ZNF667: variants seen among roughly 807,000 people sequenced by gnomAD.
The protein encoded by ZNF667 is myocardial ischemic preconditioning upregulated 1 ortholog.
In ZNF667, 13 loss-of-function variants were observed where a neutral mutation model predicts 31.8. That is an observed-to-expected ratio of 0.41 (90% CI 0.27 to 0.65). ZNF667 has a LOEUF of 0.65. ZNF667 is among the 30% of genes least tolerant of loss of function. The probability of loss-of-function intolerance (pLI) is 0.32; values close to 1 mark genes in which losing one functional copy is unlikely to be tolerated. For synonymous variants in ZNF667, 228 were observed against 247.1 expected (o/e 0.92, Z 0.73); for missense variants, 642 against 725.6 (o/e 0.88, Z 1.32).
At chr19:56,458,881 T>C (rs1310920719) in intron 5 of ZNF667, among the ~76,000 whole-genome samples, 3 of 152,210 alleles carry the variant, frequency 2.0e-5, no homozygotes, top group Non-Finnish European at 4.4e-5. Context: ...CCCTGAGTTC[T>C]GAAAGCTACT....
chr19:56,441,815 C>T lies in ZNF667; in HGVS notation c.1180G>A (p.Val394Ile), dbSNP rs778022679. 9.9e-6 allele frequency: 16 copies of T among 1,613,898 alleles called. No homozygotes were observed. The highest frequency in any genetic ancestry group is 1.4e-5 in the Non-Finnish European group (16 of 1,180,008). Residue 394 changes from valine (V) to isoleucine (I), a missense_variant, in exon 7 of 7, where the codon GTC becomes ATC. Transcript: ENST00000504904. This position sits in a 1 kb window ranked among gnomAD's most constrained non-coding sequence, Gnocchi z 4.2. Reference sequence around the variant, plus strand: ...ATAAGGGATGAATGCCGATTGCAGACCTTCTCACATTTATTGCATCTGTAT... The same window carrying T: ...ATAAGGGATGAATGCCGATTGCAGATCTTCTCACATTTATTGCATCTGTAT... ...KLYRCNKCEKVCNRHSSLIQH... is the reference protein window; with the variant it reads ...KLYRCNKCEKICNRHSSLIQH...
chr19:56,474,744 T>G (rs978307076), intron 1 of ZNF667: 9 of 152,270 alleles, frequency 5.9e-5, no homozygotes, highest in East Asian at 5.8e-4. Flanking sequence ...TTGGGAGCTT[T>G]CTAATAAATA....
At chr19:56,465,349 G>A (rs2043136774) in intron 3 of ZNF667, among the ~76,000 whole-genome samples, 1 of 152,248 alleles carries the variant, frequency 6.6e-6, no homozygotes, top group African/African-American at 2.4e-5. Context: ...TAATGGATAT[G>A]TTTTGATACA....
chr19:56,455,631 G>T (rs763285009), intron 6 of ZNF667, among the ~76,000 whole-genome samples: 61 of 152,156 alleles, frequency 4.0e-4, no homozygotes, highest in Admixed American at 4.6e-4. Flanking sequence ...GGGAAGGGTA[G>T]CAGAAAAAAG....
intron 3 of ZNF667, among the ~76,000 whole-genome samples, chr19:56,464,605 C>A (rs950246000): frequency 3.3e-5 from 5 of 152,226 alleles, no homozygotes; most frequent in African/African-American, 1.2e-4. Context: ...CATTATGTTT[C>A]TGTGGGGCAG....
rs926709321 is a variant in ZNF667, at chr19:56,455,333, CA to C, written c.253+2821del. ...TCCTACTGCTTGGTATATACCCCCC[CA>C]AAAAAATAAATTAGTATATAAAAAA... On this transcript the variant is annotated intron_variant, in intron 6 of 6. Transcript: ENST00000504904. Among the ~76,000 whole-genome samples, 21 of 151,946 alleles carry C rather than the reference CA, an allele frequency of 1.4e-4. No homozygotes were observed. The Middle Eastern group carries it at 0.014, about 98-fold the overall frequency.
intron 3 of ZNF667, among the ~76,000 whole-genome samples, chr19:56,465,697 T>A (rs1568451750): frequency 6.6e-6 from 1 of 152,164 alleles, no homozygotes; most frequent in Non-Finnish European, 1.5e-5. Context: ...GCCTGGCTCT[T>A]AACCCTACTG....
rs368846297 is a variant in ZNF667, at chr19:56,458,650, T to C, written c.161-403A>G. 3.9e-5 allele frequency among the ~76,000 whole-genome samples: 6 copies of C among 152,212 alleles called. No individual in the cohort carries two copies. The East Asian group carries it at 9.7e-4, about 25-fold the overall frequency. On this transcript the variant is annotated intron_variant, in intron 5 of 6. Transcript: ENST00000504904. ...TGAGCCAATCACTAATGGCCAATGA[T>C]TTAATCAACCTTGCCTACCTGAAGC...
chr19:56,470,785 T>C (rs1252471032), intron 3 of ZNF667, among the ~76,000 whole-genome samples: 1 of 152,206 alleles, frequency 6.6e-6, no homozygotes, highest in Non-Finnish European at 1.5e-5. Flanking sequence ...TTCTGACTTT[T>C]CTGAGCGAGG....
At position 56,460,813 on chromosome 19, in the gene ZNF667, T is replaced by G. The variant is rs1268478793; in HGVS notation, c.36A>C (p.Ala12=). Residue 12 remains alanine (A), a splice_region_variant and synonymous_variant, in exon 5 of 7, where the codon GCA becomes GCC. Coordinates refer to ENST00000504904, the MANE Select transcript of ZNF667 (RefSeq NM_001321356.2). ...TGGCTAAGTCCCCAAATGTTATAGG[T>G]GCCTGAAATGAAAAATCAAATGTCT... ...PSARGKSKSK[A]PITFGDLAIY... 2 of 1,586,982 alleles carry G rather than the reference T, an allele frequency of 1.3e-6. No individual in the cohort carries two copies. Among genetic ancestry groups the G allele is most frequent in the Non-Finnish European group, 1.7e-6 (2 of 1,168,438 alleles).
intron 1 of ZNF667, 189 bp from the exon 2 acceptor site, chr19:56,474,313 T>G (rs1345565366): frequency 6.6e-6 from 1 of 152,308 alleles, no homozygotes; most frequent in African/African-American, 2.4e-5. Context: ...CACAGCCTCA[T>G]TGCCTCCTTT....
Position 56,440,855 on chromosome 19 carries a change from C to A in ZNF667, c.*307G>T. 1 of 1,042,540 alleles carries A rather than the reference C, an allele frequency of 9.6e-7. No homozygotes were observed. Among genetic ancestry groups the A allele is most frequent in the Non-Finnish European group, 1.2e-6 (1 of 843,420 alleles). The allele number at this position is 1,042,540 out of a possible 1,614,324, so 64.6% of individuals were successfully genotyped here. A position where few individuals can be genotyped will look rare whatever the true frequency, so the allele number is the denominator to read the frequency against. On this transcript the variant is annotated 3_prime_UTR_variant, in exon 7 of 7. Coordinates refer to ENST00000504904, the MANE Select transcript of ZNF667 (RefSeq NM_001321356.2). Reference sequence around the variant, plus strand: ...TTTCACCGTGGTCTCAAACTCTTGACCTCGTGATCCGCCTGTCTCAGCCTC... The same window carrying A: ...TTTCACCGTGGTCTCAAACTCTTGAACTCGTGATCCGCCTGTCTCAGCCTC...
intron 6 of ZNF667, 84 bp from the exon 7 acceptor site, chr19:56,442,825 A>T (rs2042644326): frequency 7.0e-7 from 1 of 1,426,342 alleles, no homozygotes; most frequent in Admixed American, 2.6e-5. Context: ...AATTATCATT[A>T]TTAATCACAA....
Position 56,460,919 on chromosome 19 carries a change from A to G in ZNF667, c.34-104T>C, listed in dbSNP as rs369923359. ...AACATGGGAGACACAAGGTACCAAGAATCATTCAGGAAGCATTCAGGGTTC... is the reference window on the plus strand; with the variant it reads ...AACATGGGAGACACAAGGTACCAAGGATCATTCAGGAAGCATTCAGGGTTC... On this transcript the variant is annotated intron_variant, in intron 4 of 6. Transcript: ENST00000504904. 6.8e-5 allele frequency: 84 copies of G among 1,241,742 alleles called. No homozygotes were observed. The African/African-American group carries it at 1.2e-3, about 18-fold the overall frequency. 76.9% of individuals were successfully genotyped at this position (1,241,742 alleles called of 1,614,324 possible). A position where few individuals can be genotyped will look rare whatever the true frequency, so the allele number is the denominator to read the frequency against.
chr19:56,440,988 T>A lies in ZNF667; in HGVS notation c.*174A>T. 1 of 1,415,402 alleles carries A rather than the reference T, an allele frequency of 7.1e-7. No homozygotes were observed. The highest frequency in any genetic ancestry group is 9.2e-7 in the Non-Finnish European group (1 of 1,088,652). 87.7% of individuals were successfully genotyped at this position (1,415,402 alleles called of 1,614,324 possible). ...GACTGACCAAACTTCTGAGTTTCCT[T>A]CAGTTAATTTCAAATCCTGAGGTCA... On this transcript the variant is annotated 3_prime_UTR_variant, in exon 7 of 7. Transcript: ENST00000504904.
intron 3 of ZNF667, among the ~76,000 whole-genome samples, chr19:56,467,456 C>T (rs888933485): frequency 3.9e-5 from 6 of 152,136 alleles, no homozygotes; most frequent in African/African-American, 1.4e-4. Flanking sequence ...AGGAGTTTTC[C>T]ACACACCAAG....
rs2042581110 is a variant in ZNF667 at position 56,440,579 on chromosome 19, A to G, written c.*583T>C. On this transcript the variant is annotated 3_prime_UTR_variant, in exon 7 of 7. Coordinates refer to ENST00000504904, the MANE Select transcript of ZNF667 (RefSeq NM_001321356.2). ...GCCCTATAATGGACTTCACAATTCTATTTTGTTGTATGTGACCAATAAATT... is the reference window on the plus strand; with the variant it reads ...GCCCTATAATGGACTTCACAATTCTGTTTTGTTGTATGTGACCAATAAATT... 2 of 976,884 alleles carry G rather than the reference A, an allele frequency of 2.0e-6. No homozygotes were observed. Among genetic ancestry groups the G allele is most frequent in the African/African-American group, 1.8e-5 (1 of 56,970 alleles). 60.5% of individuals were successfully genotyped at this position (976,884 alleles called of 1,614,324 possible). A position where few individuals can be genotyped will look rare whatever the true frequency, so the allele number is the denominator to read the frequency against.
At chr19:56,454,443 T>C (rs977451462) in intron 6 of ZNF667, among the ~76,000 whole-genome samples, 20 of 152,048 alleles carry the variant, frequency 1.3e-4, no homozygotes, top group African/African-American at 4.8e-4. Context: ...TACAGAGCTA[T>C]AGTAATCAAA....
chr19:56,461,564 T>A (rs1273785626), intron 4 of ZNF667, among the ~76,000 whole-genome samples: 2 of 152,178 alleles, frequency 1.3e-5, no homozygotes, highest in African/African-American at 4.8e-5. Flanking sequence ...CCAAAGCAGA[T>A]GACCCAGCTA....
Sources: allele counts gnomAD v4.1 joint callset (sites outside exome capture counted in the v4.1 genomes callset), GRCh38; gene constraint gnomAD v4.1.1; non-coding constraint Gnocchi (gnomAD v3.1); transcripts MANE v1.5; gene names NCBI Gene and HGNC (gene_info 2026-07-23, HGNC 2026-07-21).